Variants in LRP1B observed in about 807,000 individuals in gnomAD.
LRP1B encodes low-density lipoprotein receptor-related protein 1B.
LRP1B carries 217 observed loss-of-function variants against 556.6 expected under a neutral mutation model. The ratio of observed to expected loss-of-function variants is 0.39; its 90% confidence interval spans 0.35 to 0.44. The LOEUF (loss-of-function observed/expected upper bound fraction) is 0.44, where lower values mean the gene tolerates loss of function less well. Ranked by LOEUF, LRP1B falls within the 20% of genes least tolerant of loss-of-function variation. The pLI is 1.00. For synonymous variants in LRP1B, 2,047 were observed against 1,865.8 expected, an observed-to-expected ratio of 1.10 and a Z score of -2.50; for missense variants, 5,053 against 5,620.8, an observed-to-expected ratio of 0.90 and a Z score of 3.23.
At position 140,982,234 on chromosome 2, in the gene LRP1B, C is replaced by A. The variant is rs148210427; in HGVS notation, c.2813G>T (p.Arg938Leu). 6.2e-7 allele frequency: 1 copy of A among 1,613,320 alleles called. No individual in the cohort carries two copies. Among genetic ancestry groups the A allele is most frequent in the Admixed American group, 1.7e-5 (1 of 59,890 alleles). ...ACACAGCCATGCTCTGGGAATGCAA[C>A]GCCCATTTCCGCAAGAAAACTGGTC... ...QVDQFSCGNG[R>L]CIPRAWLCDR... Residue 938 changes from arginine to leucine, a missense_variant, in exon 18 of 91, where the codon CGT becomes CTT. Physicochemically the swap from Arg to Leu is moderately radical, Grantham distance 102 (BLOSUM62 -2). Transcript: ENST00000389484.
chr2:140,733,406 T>A (rs1319709040), intron 35 of LRP1B, among the ~76,000 whole-genome samples: 1 of 152,136 alleles, frequency 6.6e-6, no homozygotes, highest in Non-Finnish European at 1.5e-5. Flanking sequence ...CGCAGAAAGC[T>A]GTGTATAAGA....
intron 1 of LRP1B, among the ~76,000 whole-genome samples, chr2:141,892,400 T>G (rs1302003226): frequency 6.6e-6 from 1 of 152,010 alleles, no homozygotes; most frequent in African/African-American, 2.4e-5. Flanking sequence ...GTGGAAATTT[T>G]TTTAAAAAAA....
At chr2:142,101,054 C>T (rs1706551655) in intron 1 of LRP1B, among the ~76,000 whole-genome samples, 1 of 151,922 alleles carries the variant, frequency 6.6e-6, no homozygotes, top group Non-Finnish European at 1.5e-5. Flanking sequence ...ATTGAGCTCT[C>T]CCCACTTGCT....
chr2:140,701,951 C>T (rs2105427330), intron 39 of LRP1B, 106 bp from the exon 40 acceptor site: 1 of 1,420,392 alleles, frequency 7.0e-7, no homozygotes, highest in Non-Finnish European at 9.7e-7. Context: ...GGAAAGAAAC[C>T]AACTTTAGTC....
At chr2:140,488,445 C>T (rs1433040366) in intron 57 of LRP1B, among the ~76,000 whole-genome samples, 1 of 151,870 alleles carries the variant, frequency 6.6e-6, no homozygotes, top group Non-Finnish European at 1.5e-5. Flanking sequence ...CATTTTTTAG[C>T]AGGCAGCAAA....
At chr2:141,399,591 C>G (rs1478748368) in intron 3 of LRP1B, among the ~76,000 whole-genome samples, 1 of 152,010 alleles carries the variant, frequency 6.6e-6, no homozygotes, top group African/African-American at 2.4e-5. Flanking sequence ...AACTATAACC[C>G]CCAAACCTAT....
chr2:140,264,741 T>A (rs1358383007), intron 86 of LRP1B, among the ~76,000 whole-genome samples: 2 of 129,546 alleles, frequency 1.5e-5, no homozygotes, highest in East Asian at 4.1e-4. Flanking sequence ...TGTGTGTGTG[T>A]ATATAATTTT....
At chr2:141,935,234 C>T (rs1253049476) in intron 1 of LRP1B, among the ~76,000 whole-genome samples, 2 of 152,100 alleles carry the variant, frequency 1.3e-5, no homozygotes, top group African/African-American at 4.8e-5. Flanking sequence ...AGCATACCCT[C>T]ACTAAAGCAA....
chr2:141,008,175 T>C (rs1697634252), intron 14 of LRP1B, among the ~76,000 whole-genome samples: 1 of 151,502 alleles, frequency 6.6e-6, no homozygotes, highest in East Asian at 1.9e-4. Flanking sequence ...TTTATACCTA[T>C]ATATCAATTA....
intron 3 of LRP1B, among the ~76,000 whole-genome samples, chr2:141,414,371 A>AAGAG (rs1224485359): frequency 4.5e-5 from 2 of 44,800 alleles, no homozygotes; most frequent in Non-Finnish European, 5.4e-5. Context: ...AAGAGCGGAA[A>AAGAG]GGAGGGAGGG....
chr2:141,614,608 T>C (rs562837016), intron 2 of LRP1B, among the ~76,000 whole-genome samples: 3 of 152,186 alleles, frequency 2.0e-5, no homozygotes, highest in Admixed American at 6.5e-5. Context: ...AAACACAACA[T>C]AGAGACACAC....
At chr2:141,863,080 C>T (rs996850616) in intron 1 of LRP1B, among the ~76,000 whole-genome samples, 8 of 152,152 alleles carry the variant, frequency 5.3e-5, no homozygotes, top group African/African-American at 1.9e-4. Flanking sequence ...ATTTGCTTCA[C>T]TTGTCCTATT....
At chr2:140,742,295 G>C (rs1212851944) in intron 35 of LRP1B, among the ~76,000 whole-genome samples, 1 of 152,094 alleles carries the variant, frequency 6.6e-6, no homozygotes, top group Non-Finnish European at 1.5e-5. Flanking sequence ...TGACTGAATG[G>C]CTCCTCTCTT....
intron 41 of LRP1B, among the ~76,000 whole-genome samples, chr2:140,646,668 G>A (rs1684496483): frequency 6.6e-6 from 1 of 151,826 alleles, no homozygotes; most frequent in South Asian, 2.1e-4. Context: ...GCTTTTTAAG[G>A]TTGAAATAAA....
At chr2:140,795,557 T>G (rs187235012) in intron 32 of LRP1B, among the ~76,000 whole-genome samples, 12 of 152,228 alleles carry the variant, frequency 7.9e-5, no homozygotes, top group Non-Finnish European at 1.8e-4. Context: ...TTACACCATA[T>G]CAGATAACGC....
intron 27 of LRP1B, among the ~76,000 whole-genome samples, chr2:140,859,308 A>G (rs1027928759): frequency 1.3e-5 from 2 of 152,148 alleles, no homozygotes; most frequent in African/African-American, 4.8e-5. Context: ...TAATAGTCCT[A>G]TATGAAATCC....
At chr2:140,501,540 T>C (rs1689187110) in intron 55 of LRP1B, 147 bp downstream of exon 55, 2 of 482,368 alleles carry the variant, frequency 4.1e-6, no homozygotes, top group African/African-American at 4.0e-5. Context: ...ACACTACTAT[T>C]ATGGTATCTT....
At chr2:141,006,909 T>C (rs891987461) in intron 14 of LRP1B, among the ~76,000 whole-genome samples, 4 of 152,040 alleles carry the variant, frequency 2.6e-5, no homozygotes, top group Admixed American at 1.3e-4. Context: ...CAGTCCATCA[T>C]TGACTGAACC....
rs551723469 is a variant in LRP1B at position 140,974,688 on chromosome 2, T to C, written c.2887+7472A>G. Among the ~76,000 whole-genome samples the C allele has an allele frequency of 1.4e-4, 22 of 152,306 alleles. No homozygotes were observed. The South Asian group carries it at 4.4e-3, about 30-fold the overall frequency. ...AAGCATGTAATAGTGAGATTCTTTC[T>C]TTCGCCATGGCCCTGGCCCACTTAG... On this transcript the variant is annotated intron_variant, in intron 18 of 90. Transcript: ENST00000389484.
Sources: allele counts gnomAD v4.1 joint callset (sites outside exome capture counted in the v4.1 genomes callset), GRCh38; gene constraint gnomAD v4.1.1; transcripts MANE v1.5; gene names NCBI Gene and HGNC (gene_info 2026-07-23, HGNC 2026-07-21).